RPUSD3: variants seen among roughly 807,000 people sequenced by gnomAD.
RPUSD3 encodes RNA pseudouridine synthase D3.
Under a neutral mutation model 35.1 loss-of-function variants are expected in RPUSD3, and 36 were observed. The observed-to-expected ratio is 1.02, with a 90% CI of 0.79 to 1.35. The LOEUF (loss-of-function observed/expected upper bound fraction) is 1.35. RPUSD3 is among the 40% of genes most tolerant of loss of function. The pLI is 0.00. For missense variants in RPUSD3, 486 were observed against 441.9 expected, an observed-to-expected ratio of 1.10 and a Z score of -0.89; for synonymous variants, 202 against 187.8, an observed-to-expected ratio of 1.08 and a Z score of -0.62.
Position 9,843,520 on chromosome 3 carries a change from GT to G in RPUSD3, c.206del (p.Asn69ThrfsTer22). The G allele has an allele frequency of 6.2e-7, 1 of 1,614,030 alleles. No individual in the cohort carries two copies. The highest frequency in any genetic ancestry group is 8.5e-7 in the Non-Finnish European group (1 of 1,180,004). ...CATCAACCAGCTCCTCCCGACTGAG[GT>G]TTTTTGGCAGCAGCCCCGCGAAGGG... On this transcript the variant is annotated frameshift_variant, in exon 2 of 9. Transcript: ENST00000383820. LOFTEE classifies it high-confidence loss of function.
rs548423068 is a variant in RPUSD3, at chr3:9,838,797, T to A, written c.864+235A>T. 3.9e-5 allele frequency among the ~76,000 whole-genome samples: 6 copies of A among 152,250 alleles called. No homozygotes were observed. The South Asian group carries it at 1.2e-3, about 32-fold the overall frequency. On this transcript the variant is annotated intron_variant, in intron 8 of 8. Coordinates refer to ENST00000383820, the Ensembl canonical transcript of RPUSD3. ...AAAGAATGGCAGACTTAAGAGGGCTTTAGAAATTAGCCACATCAACTCCCT... is the reference window on the plus strand; with the variant it reads ...AAAGAATGGCAGACTTAAGAGGGCTATAGAAATTAGCCACATCAACTCCCT...
chr3:9,840,141 A>C (rs775955607), intron 7 of RPUSD3, 43 bp downstream of exon 7: 11 of 1,590,364 alleles, frequency 6.9e-6, no homozygotes, highest in Non-Finnish European at 9.4e-6. Context: ...CAGCCTCCCA[A>C]ATCAAGTGCA....
intron 1 of RPUSD3, 26 bp downstream of exon 1, chr3:9,843,864 G>T (rs757708636): frequency 9.4e-6 from 15 of 1,587,744 alleles, no homozygotes; most frequent in Non-Finnish European, 1.2e-5. Context: ...CCTCCGTCCC[G>T]CATGAGAGAG....
chr3:9,843,770 C>A, intron 1 of RPUSD3, 120 bp downstream of exon 1: 2 of 1,544,066 alleles, frequency 1.3e-6, no homozygotes, highest in Middle Eastern at 1.7e-4. Flanking sequence ...GCGGAGGGCA[C>A]CGAGGCTCAG....
intron 2 of RPUSD3, chr3:9,842,556 A>T (rs578118549): frequency 8.5e-6 from 4 of 468,378 alleles, no homozygotes; most frequent in African/African-American, 1.9e-5. Context: ...CCTCACCATC[A>T]TAACACCCTG....
At chr3:9,840,745 C>T in exon 5 of RPUSD3, 2 of 1,614,132 alleles carry the variant, frequency 1.2e-6, no homozygotes, top group Non-Finnish European at 8.5e-7. Flanking sequence ...GGGTGAAGTA[C>T]TTCTGGAGGC....
chr3:9,841,767 C>A (rs1395405644), intron 4 of RPUSD3: 9 of 469,902 alleles, frequency 1.9e-5, no homozygotes, highest in African/African-American at 5.9e-5. Context: ...CTGTGCCCAG[C>A]GTCAGGGAGG....
intron 6 of RPUSD3, 80 bp downstream of exon 6, chr3:9,840,452 C>G: frequency 6.3e-7 from 1 of 1,597,536 alleles, no homozygotes. Flanking sequence ...AGCCAGCCAT[C>G]CCAAATCCAT....
At chr3:9,839,965 C>G (rs541860814) in intron 7 of RPUSD3, 2 of 456,314 alleles carry the variant, frequency 4.4e-6, no homozygotes, top group Admixed American at 3.7e-5. Flanking sequence ...ATTGCAACTT[C>G]TGCCTCCCAG....
chr3:9,838,467 G>A (rs1270265405), intron 8 of RPUSD3, among the ~76,000 whole-genome samples: 2 of 152,176 alleles, frequency 1.3e-5, no homozygotes, highest in African/African-American at 4.8e-5. Flanking sequence ...TCACAGCTTG[G>A]TGAGACGTGA....
At chr3:9,843,204 G>A in intron 2 of RPUSD3, 2 of 540,092 alleles carry the variant, frequency 3.7e-6, no homozygotes, top group Non-Finnish European at 6.6e-6. Flanking sequence ...CAATAATCTA[G>A]TATAGCAACT....
Position 9,840,237 on chromosome 3 carries a change from C to T in RPUSD3, c.671G>A (p.Arg224His), listed in dbSNP as rs114655168. 8.4e-5 allele frequency: 135 copies of T among 1,614,140 alleles called. No homozygotes were observed. The African/African-American group carries it at 1.5e-3, about 18-fold the overall frequency. Reference sequence around the variant, plus strand: ...ACAGCCAGAGCCTGTGGCTACCACACGAAAGTGACTGAGAGTCTTCTTGAC... The same window carrying T: ...ACAGCCAGAGCCTGTGGCTACCACATGAAAGTGACTGAGAGTCTTCTTGAC... Residue 224 changes from arginine (R) to histidine (H), a missense_variant, in exon 7 of 9, where the codon CGT becomes CAT. Coordinates refer to ENST00000383820, the Ensembl canonical transcript of RPUSD3.
intron 7 of RPUSD3, 157 bp downstream of exon 7, chr3:9,840,026 GC>G: frequency 1.2e-6 from 1 of 826,822 alleles, no homozygotes. Flanking sequence ...TTTTACAGGC[GC>G]CTGCCACCGT....
intron 8 of RPUSD3, among the ~76,000 whole-genome samples, chr3:9,838,728 G>C (rs750427622): frequency 3.3e-5 from 5 of 152,138 alleles, no homozygotes; most frequent in Non-Finnish European, 7.3e-5. Context: ...AGAGGCATCT[G>C]GTGTCCTAAT....
In RPUSD3 at chr3:9,842,250, C is replaced by A; in HGVS notation, c.263-7G>T. 1 of 1,614,150 alleles carries A rather than the reference C, an allele frequency of 6.2e-7. No individual in the cohort carries two copies. Among genetic ancestry groups the A allele is most frequent in the Non-Finnish European group, 8.5e-7 (1 of 1,180,008 alleles). ...TTCAACGTCACTAGAGGTCCTGAAA[C>A]ATACATCACACGAACATCAGCAAAA... On this transcript the variant is annotated splice_region_variant and splice_polypyrimidine_tract_variant and intron_variant, in intron 2 of 8. Coordinates refer to ENST00000383820, the Ensembl canonical transcript of RPUSD3.
exon 6 of RPUSD3, chr3:9,840,599 A>G (rs150228510): frequency 1.2e-5 from 19 of 1,613,828 alleles, no homozygotes; most frequent in Middle Eastern, 1.6e-4. Flanking sequence ...AGCAGCTGGG[A>G]TCCCATCAGT....
chr3:9,841,233 G>T (rs2082099049), intron 4 of RPUSD3: 1 of 163,798 alleles, frequency 6.1e-6, no homozygotes, highest in Non-Finnish European at 1.3e-5. Flanking sequence ...GTACCGTCAT[G>T]GAGAAATGAC....
intron 4 of RPUSD3, 89 bp downstream of exon 4, chr3:9,841,894 G>T: frequency 9.2e-7 from 1 of 1,087,674 alleles, no homozygotes; most frequent in Non-Finnish European, 1.4e-6. Context: ...CCTTCCCATG[G>T]AAAATGTCTC....
chr3:9,838,125 C>T (rs149050872), exon 9 of RPUSD3: 24 of 1,612,484 alleles, frequency 1.5e-5, no homozygotes, highest in East Asian at 4.5e-5. Flanking sequence ...GAGAAGGAGC[C>T]GATGTAGGTG....
Sources: gnomAD v4.1 joint callset for allele counts (sites outside exome capture counted in the v4.1 genomes callset) on GRCh38, gnomAD v4.1.1 for gene constraint, MANE v1.5 for transcripts, NCBI Gene and HGNC (gene_info 2026-07-23, HGNC 2026-07-21) for gene names.